LARGE1: variants seen among roughly 807,000 people sequenced by gnomAD.
LARGE1 encodes xylosyl- and glucuronyltransferase LARGE1.
A neutral mutation model predicts 87.6 loss-of-function variants in LARGE1; 43 were observed. The ratio of observed to expected loss-of-function variants is 0.49; its 90% CI spans 0.38 to 0.63. The LOEUF (loss-of-function observed/expected upper bound fraction) is 0.63, where lower values mean the gene tolerates loss of function less well. Among genes scored for constraint, LARGE1 ranks in the 30% least tolerant of loss-of-function variants. LARGE1 has a pLI of 0.00. For missense variants in LARGE1, 802 were observed against 1,000.2 expected, an observed-to-expected ratio of 0.80 and a Z score of 2.67; for synonymous variants, 434 against 394.6, an observed-to-expected ratio of 1.10 and a Z score of -1.18.
intron 11 of LARGE1, 28 bp from the exon 12 acceptor site, chr22:33,304,535 G>C (rs76647066): frequency 6.5e-7 from 1 of 1,544,776 alleles, no homozygotes. Context: ...GGTGAGCCGC[G>C]GGACCTGGGC....
At chr22:33,420,903 G>A (rs1328112988) in intron 7 of LARGE1, among the ~76,000 whole-genome samples, 1 of 152,156 alleles carries the variant, frequency 6.6e-6, no homozygotes, top group Non-Finnish European at 1.5e-5. Flanking sequence ...AAAGGAAAAG[G>A]AAGGCTGGGC....
At chr22:33,886,600 T>G (rs1332853662) in intron 1 of LARGE1, among the ~76,000 whole-genome samples, 1 of 126,338 alleles carries the variant, frequency 7.9e-6, no homozygotes, top group African/African-American at 2.9e-5. Context: ...TTGCTTGAAC[T>G]CGGGAGGTTG....
the LARGE1 span, among the ~76,000 whole-genome samples, chr22:33,115,592 G>C: frequency 2.6e-5 from 4 of 151,968 alleles, no homozygotes; most frequent in Non-Finnish European, 4.4e-5. Context: ...TCAAGGCGGG[G>C]GAATCACGAA....
chr22:33,209,795 A>G (rs1041969433), intron 11 of LARGE1, among the ~76,000 whole-genome samples: 9 of 151,994 alleles, frequency 5.9e-5, no homozygotes, highest in African/African-American at 2.2e-4. Flanking sequence ...ACAGGCGTGC[A>G]CCACCAGGCC....
chr22:33,552,718 C>T (rs951658900), intron 6 of LARGE1, among the ~76,000 whole-genome samples: 4 of 152,132 alleles, frequency 2.6e-5, no homozygotes, highest in South Asian at 2.1e-4. Flanking sequence ...GCTGATTGTA[C>T]GATATATCAA....
At chr22:33,346,397 G>A (rs1004945191) in intron 9 of LARGE1, among the ~76,000 whole-genome samples, 37 of 151,918 alleles carry the variant, frequency 2.4e-4, no homozygotes, top group Non-Finnish European at 3.1e-4. Context: ...CCACCTCCCC[G>A]GTTTAAGCGA....
At chr22:33,578,621 A>G (rs1228629263) in intron 5 of LARGE1, among the ~76,000 whole-genome samples, 1 of 152,232 alleles carries the variant, frequency 6.6e-6, no homozygotes, top group Non-Finnish European at 1.5e-5. Context: ...ACTGTGTGTG[A>G]TGTAGACATC....
At chr22:33,140,026 C>T in the LARGE1 span, among the ~76,000 whole-genome samples, 5 of 152,202 alleles carry the variant, frequency 3.3e-5, no homozygotes, top group African/African-American at 1.2e-4. Flanking sequence ...AGTAATGGAA[C>T]CTCTGCCCTA....
intron 6 of LARGE1, among the ~76,000 whole-genome samples, chr22:33,519,031 T>A (rs2071440401): frequency 6.6e-6 from 1 of 152,128 alleles, no homozygotes; most frequent in Admixed American, 6.6e-5. Context: ...AGTTGGAATT[T>A]GTTTTAGGCA....
the LARGE1 span, among the ~76,000 whole-genome samples, chr22:33,085,213 T>C: frequency 3.9e-5 from 6 of 152,192 alleles, no homozygotes; most frequent in Admixed American, 3.3e-4. Context: ...GAAGCGAAGA[T>C]TGCAGTGAGC....
intron 1 of LARGE1, among the ~76,000 whole-genome samples, chr22:33,821,716 C>A (rs1207278298): frequency 1.4e-5 from 2 of 143,454 alleles, no homozygotes; most frequent in East Asian, 4.1e-4. Flanking sequence ...TTTTTCCCAG[C>A]AGAAAGGTGT....
intron 10 of LARGE1, among the ~76,000 whole-genome samples, chr22:33,336,651 G>A (rs1379936684): frequency 1.3e-5 from 2 of 152,166 alleles, no homozygotes; most frequent in African/African-American, 4.8e-5. Flanking sequence ...TTCTGTTAAA[G>A]TGCCTCTTCT....
intron 6 of LARGE1, among the ~76,000 whole-genome samples, chr22:33,467,766 G>A (rs979718091): frequency 2.6e-5 from 4 of 152,202 alleles, no homozygotes; most frequent in African/African-American, 9.7e-5. Context: ...TAATGCTACA[G>A]GGGTGGAAAG....
At chr22:33,217,721 T>C (rs1343758540) in intron 11 of LARGE1, among the ~76,000 whole-genome samples, 1 of 152,124 alleles carries the variant, frequency 6.6e-6, no homozygotes, top group Non-Finnish European at 1.5e-5. Context: ...GATAATATGG[T>C]ATTCCTTAAA....
At chr22:33,363,199 A>G (rs953032516) in intron 9 of LARGE1, among the ~76,000 whole-genome samples, 2 of 149,832 alleles carry the variant, frequency 1.3e-5, no homozygotes, top group African/African-American at 2.5e-5. Context: ...CACACATTCC[A>G]AAACCCAGAA....
chr22:33,125,142 A>G, the LARGE1 span, among the ~76,000 whole-genome samples: 22 of 152,296 alleles, frequency 1.4e-4, no homozygotes, highest in East Asian at 3.1e-3. Context: ...AGTGTCTTAT[A>G]GGGATGGGCA....
chr22:33,533,174 C>CCATT (rs954741567), intron 6 of LARGE1, among the ~76,000 whole-genome samples: 1 of 152,162 alleles, frequency 6.6e-6, no homozygotes, highest in Non-Finnish European at 1.5e-5. Context: ...ACCAGTCTTC[C>CCATT]GGGAGCTAAC....
intron 6 of LARGE1, among the ~76,000 whole-genome samples, chr22:33,476,377 C>T (rs2069079833): frequency 6.6e-6 from 1 of 152,192 alleles, no homozygotes; most frequent in Non-Finnish European, 1.5e-5. Context: ...GAATGCAACC[C>T]TTTGTCTCTT....
At chr22:33,478,634 T>G (rs752253675) in intron 6 of LARGE1, among the ~76,000 whole-genome samples, 5 of 152,220 alleles carry the variant, frequency 3.3e-5, no homozygotes, top group Admixed American at 2.6e-4. Flanking sequence ...TTAGCCCCTC[T>G]GAACCACAAT....
Sources: gnomAD v4.1 joint callset for allele counts (sites outside exome capture counted in the v4.1 genomes callset) on GRCh38, gnomAD v4.1.1 for gene constraint, MANE v1.5 for transcripts, NCBI Gene and HGNC (gene_info 2026-07-23, HGNC 2026-07-21) for gene names.